The following PLEKHA3 variants were observed in gnomAD, a reference collection of about 807,000 sequenced individuals.
PLEKHA3 encodes pleckstrin homology domain-containing family A member 3.
A neutral mutation model predicts 39.2 loss-of-function variants in PLEKHA3; 19 were observed. That is an observed-to-expected ratio of 0.48 (90% CI 0.34 to 0.71). The LOEUF is 0.71. PLEKHA3 is among the 30% of genes least tolerant of loss of function. PLEKHA3 has a pLI of 0.01. For missense variants in PLEKHA3, 253 were observed against 359.5 expected (o/e 0.70, Z 2.40); for synonymous variants, 97 against 118.6 (o/e 0.82, Z 1.18).
At chr2:178,503,007 G>A (rs542854092) in intron 7 of PLEKHA3, among the ~76,000 whole-genome samples, 3 of 152,156 alleles carry the variant, frequency 2.0e-5, no homozygotes, top group South Asian at 4.1e-4. Flanking sequence ...GGCAGTCTTA[G>A]TTGAAAGTTG....
chr2:178,499,295 T>C, intron 6 of PLEKHA3, 41 bp downstream of exon 6: 1 of 1,600,162 alleles, frequency 6.2e-7, no homozygotes, highest in Middle Eastern at 1.7e-4. Context: ...TCTCAAATTA[T>C]ATCCATCTAG....
At chr2:178,497,932 A>G (rs1685472862) in intron 5 of PLEKHA3, among the ~76,000 whole-genome samples, 2 of 151,148 alleles carry the variant, frequency 1.3e-5, no homozygotes, top group African/African-American at 4.9e-5. Flanking sequence ...AGGTCAGACA[A>G]TCTTCATGTT....
At chr2:178,499,686 TA>T (rs1170980116) in intron 6 of PLEKHA3, among the ~76,000 whole-genome samples, 1 of 152,144 alleles carries the variant, frequency 6.6e-6, no homozygotes, top group Non-Finnish European at 1.5e-5. Flanking sequence ...TTCAGTACAG[TA>T]ACATGCAGTA....
intron 6 of PLEKHA3, 101 bp downstream of exon 6, chr2:178,499,355 G>T: frequency 1.7e-6 from 2 of 1,150,436 alleles, no homozygotes. Context: ...AACTCTGTAT[G>T]GGTTAGGTCT....
At chr2:178,497,703 C>G (rs1230381305) in intron 5 of PLEKHA3, among the ~76,000 whole-genome samples, 1 of 151,852 alleles carries the variant, frequency 6.6e-6, no homozygotes, top group Non-Finnish European at 1.5e-5. Flanking sequence ...GTGCTGTGTT[C>G]CTGAGGTTGA....
rs764614874 is a variant in PLEKHA3, at chr2:178,490,649, A to T, written c.158-10A>T. ...CTATAACTGTATTTCCCCTTTGTTT[A>T]TCATCATAGTTCATTCAGCAGACAA... On this transcript the variant is annotated splice_polypyrimidine_tract_variant and intron_variant, in intron 2 of 7. Transcript: ENST00000234453. 1 of 1,609,588 alleles carries T rather than the reference A, an allele frequency of 6.2e-7. No homozygotes were observed. Among genetic ancestry groups the T allele is most frequent in the African/African-American group, 1.3e-5 (1 of 74,826 alleles).
In PLEKHA3 at chr2:178,495,766, C is replaced by T. The variant is rs537875708; in HGVS notation, c.615+106C>T. The T allele has an allele frequency of 2.4e-4, 290 of 1,209,970 alleles. No homozygotes were observed. Among genetic ancestry groups the T allele is most frequent in the African/African-American group, 2.3e-3 (152 of 65,260 alleles). The allele number at this position is 1,209,970 out of a possible 1,614,324, so 75.0% of individuals were successfully genotyped here. ...AGGGTGGAAGCAGGCAGTTGGGGGG[C>T]GGGGAACAGCTAACAAGTTGAATTT... On this transcript the variant is annotated intron_variant, in intron 5 of 7. Coordinates refer to ENST00000234453, the MANE Select transcript of PLEKHA3 (RefSeq NM_019091.4).
At chr2:178,502,159 T>C (rs1032648599) in intron 7 of PLEKHA3, among the ~76,000 whole-genome samples, 2 of 151,848 alleles carry the variant, frequency 1.3e-5, no homozygotes, top group Admixed American at 1.3e-4. Flanking sequence ...GTTAAACAGG[T>C]TTAGTTCATA....
chr2:178,503,911 T>TC lies in PLEKHA3; in HGVS notation c.*25dup. ...GAAGAAACTGAAGTGTCCAACTTCCTCTAAGTATTGCTATGCAAAAGCTGC... is the reference window on the plus strand; with the variant it reads ...GAAGAAACTGAAGTGTCCAACTTCCTCCTAAGTATTGCTATGCAAAAGCTGC... On this transcript the variant is annotated 3_prime_UTR_variant, in exon 8 of 8. Transcript: ENST00000234453. The TC allele has an allele frequency of 6.2e-7, 1 of 1,609,586 alleles. No homozygotes were observed. The highest frequency in any genetic ancestry group is 1.7e-5 in the Admixed American group (1 of 59,856).
At chr2:178,495,766 C>A in intron 5 of PLEKHA3, 106 bp downstream of exon 5, 1 of 1,209,972 alleles carries the variant, frequency 8.3e-7, no homozygotes, top group Non-Finnish European at 1.2e-6. Context: ...AGTTGGGGGG[C>A]GGGGAACAGC....
At chr2:178,491,820 G>A (rs1685351443) in intron 3 of PLEKHA3, among the ~76,000 whole-genome samples, 1 of 152,110 alleles carries the variant, frequency 6.6e-6, no homozygotes, top group Non-Finnish European at 1.5e-5. Flanking sequence ...TTGGCTTCTG[G>A]TGAGGGCCTC....
At chr2:178,502,824 A>ACG (rs1558931207) in intron 7 of PLEKHA3, among the ~76,000 whole-genome samples, 2 of 151,492 alleles carry the variant, frequency 1.3e-5, no homozygotes, top group Admixed American at 6.6e-5. Flanking sequence ...ACACACACAC[A>ACG]CGCGCATACA....
intron 5 of PLEKHA3, 137 bp from the exon 6 acceptor site, chr2:178,499,074 G>T: frequency 3.0e-6 from 2 of 675,768 alleles, no homozygotes; most frequent in Non-Finnish European, 4.5e-6. Context: ...GTCTGTGAAA[G>T]ATTAAATTTT....
At chr2:178,499,090 G>C in intron 5 of PLEKHA3, 121 bp from the exon 6 acceptor site, 1 of 796,918 alleles carries the variant, frequency 1.3e-6, no homozygotes. Flanking sequence ...ATTTTTTTTT[G>C]CCAGTTATCT....
chr2:178,503,940 A>T lies in PLEKHA3; in HGVS notation c.*53A>T. On this transcript the variant is annotated 3_prime_UTR_variant, in exon 8 of 8. Transcript: ENST00000234453. ...AGTATTGCTATGCAAAAGCTGCTGT[A>T]ATTAAACTATTGTTATAGGGAGTAG... is the stretch of plus-strand genomic sequence containing the variant. 6.3e-7 allele frequency: 1 copy of T among 1,598,146 alleles called. No homozygotes were observed. Among genetic ancestry groups the T allele is most frequent in the African/African-American group, 1.3e-5 (1 of 74,534 alleles).
chr2:178,499,956 T>C (rs1685502813), intron 6 of PLEKHA3, among the ~76,000 whole-genome samples: 1 of 152,136 alleles, frequency 6.6e-6, no homozygotes, highest in African/African-American at 2.4e-5. Flanking sequence ...TATAGCATCA[T>C]CTATTCATGC....
At chr2:178,490,284 A>C (rs1308688229) in intron 2 of PLEKHA3, among the ~76,000 whole-genome samples, 1 of 152,240 alleles carries the variant, frequency 6.6e-6, no homozygotes, top group East Asian at 1.9e-4. Context: ...CTATATATGA[A>C]AACAAAGACT....
Position 178,506,481 on chromosome 2 carries a change from A to C in PLEKHA3, c.*2594A>C, listed in dbSNP as rs1685601875. The C allele has an allele frequency of 6.6e-6, 1 of 152,222 alleles. No individual in the cohort carries two copies. The highest frequency in any genetic ancestry group is 2.1e-4 in the South Asian group (1 of 4,832). The allele number at this position is 152,222 out of a possible 1,614,324, so 9.4% of individuals were successfully genotyped here. On this transcript the variant is annotated 3_prime_UTR_variant, in exon 8 of 8. Coordinates refer to ENST00000234453, the MANE Select transcript of PLEKHA3 (RefSeq NM_019091.4). ...ATCCAGAAATGGATGCTATTGCTTA[A>C]ACTTAAATTCCAAGGCAGAAGATAG... is the stretch of plus-strand genomic sequence containing the variant.
At chr2:178,500,741 A>G (rs1327286563) in intron 6 of PLEKHA3, among the ~76,000 whole-genome samples, 1 of 152,036 alleles carries the variant, frequency 6.6e-6, no homozygotes, top group African/African-American at 2.4e-5. Context: ...CATTCATGAA[A>G]CCTATGACTT....
Sources: allele counts gnomAD v4.1 joint callset (sites outside exome capture counted in the v4.1 genomes callset), GRCh38; gene constraint gnomAD v4.1.1; transcripts MANE v1.5; gene names NCBI Gene and HGNC (gene_info 2026-07-23, HGNC 2026-07-21).